Variants in PLCE1 observed in about 807,000 individuals in gnomAD.
The protein encoded by PLCE1 is 1-phosphatidylinositol 4,5-bisphosphate phosphodiesterase epsilon-1.
A neutral mutation model predicts 242.8 loss-of-function variants in PLCE1; 119 were observed. That is an observed-to-expected ratio of 0.49 (90% CI 0.42 to 0.57). The LOEUF (loss-of-function observed/expected upper bound fraction) is 0.57, where lower values mean the gene tolerates loss of function less well. Among genes scored for constraint, PLCE1 ranks in the 20% least tolerant of loss-of-function variants. The pLI is 0.00. For synonymous variants in PLCE1, 945 were observed against 1,017.4 expected, an observed-to-expected ratio of 0.93 and a Z score of 1.35; for missense variants, 2,441 against 2,788.8, an observed-to-expected ratio of 0.88 and a Z score of 2.81.
In PLCE1 at chr10:94,227,306, G is replaced by A. The variant is rs778281055; in HGVS notation, c.1810G>A (p.Val604Met). Reference protein sequence around the residue: ...LEDLVMRFNEVSSWVTWLILT... With the variant: ...LEDLVMRFNEMSSWVTWLILT... ...GTGAATGTCTCTGTGTGTTTTCCAGGTGAGCTCCTGGGTGACATGGCTGAT... is the reference window on the plus strand; with the variant it reads ...GTGAATGTCTCTGTGTGTTTTCCAGATGAGCTCCTGGGTGACATGGCTGAT... The change falls in exon 5 of 33, where the codon GTG becomes ATG. Residue 604 changes from valine to methionine, a missense_variant and splice_region_variant. This residue lies in a region of PLCE1 where 733 missense variants were observed against 754.2 expected (regional missense o/e 0.97). Coordinates refer to ENST00000371380, the MANE Select transcript of PLCE1 (RefSeq NM_016341.4). 12 of 1,613,966 alleles carry A rather than the reference G, an allele frequency of 7.4e-6. No individual in the cohort carries two copies. Among genetic ancestry groups the A allele is most frequent in the Non-Finnish European group, 1.0e-5 (12 of 1,179,950 alleles).
At chr10:94,003,186 GATAAT>G (rs1246585469) in intron 1 of PLCE1, among the ~76,000 whole-genome samples, 1 of 152,176 alleles carries the variant, frequency 6.6e-6, no homozygotes, top group East Asian at 1.9e-4. Context: ...ACTGAGTGAA[GATAAT>G]AGACTGTTTT....
chr10:94,224,299 T>A (rs2049866299), intron 4 of PLCE1, among the ~76,000 whole-genome samples: 1 of 152,190 alleles, frequency 6.6e-6, no homozygotes. Context: ...ATTTGACTGA[T>A]AGGAAATAAA....
chr10:94,322,430 C>T (rs925666098), intron 30 of PLCE1, among the ~76,000 whole-genome samples: 1 of 151,836 alleles, frequency 6.6e-6, no homozygotes, highest in Non-Finnish European at 1.5e-5. Context: ...GGGGGCAGAT[C>T]ACTTGAGCTC....
At chr10:94,314,687 G>A (rs1385858999) in intron 28 of PLCE1, among the ~76,000 whole-genome samples, 1 of 152,090 alleles carries the variant, frequency 6.6e-6, no homozygotes. Flanking sequence ...CTGAAGTTAG[G>A]GTGTATGATG....
rs575799854 is a variant in PLCE1 at position 94,258,464 on chromosome 10, CTTTT to C, written c.3555-334_3555-331del. ...GATTAAGAGTGAGTAATTTGGGGCT[CTTTT>C]TAATAGACATCTTCAGAAACACTGA... On this transcript the variant is annotated intron_variant, in intron 11 of 32. Transcript: ENST00000371380. 2.5e-3 allele frequency among the ~76,000 whole-genome samples: 382 copies of C among 152,218 alleles called. 1 individual carries two copies. The highest frequency in any genetic ancestry group is 4.2e-3 in the Non-Finnish European group (288 of 68,006).
intron 2 of PLCE1, among the ~76,000 whole-genome samples, chr10:94,118,761 A>G (rs1443037534): frequency 3.3e-5 from 5 of 152,178 alleles, no homozygotes; most frequent in Non-Finnish European, 5.9e-5. Flanking sequence ...AGCACCGTGA[A>G]AACGGACTAA....
chr10:94,226,448 G>A (rs1392292273), intron 4 of PLCE1, among the ~76,000 whole-genome samples: 1 of 152,100 alleles, frequency 6.6e-6, no homozygotes, highest in Non-Finnish European at 1.5e-5. Context: ...TGTTGTGAGA[G>A]ATAAATGAGG....
intron 4 of PLCE1, among the ~76,000 whole-genome samples, chr10:94,210,138 G>T (rs922941494): frequency 2.0e-4 from 30 of 149,864 alleles, no homozygotes; most frequent in Non-Finnish European, 3.4e-4. Context: ...TTTGTTGTTT[G>T]TTTGTTATTG....
chr10:94,324,783 C>G (rs2053948611), intron 31 of PLCE1, 109 bp from the exon 32 acceptor site: 1 of 1,174,514 alleles, frequency 8.5e-7, no homozygotes, highest in African/African-American at 1.5e-5. Flanking sequence ...CAGCCCTACT[C>G]TCTCCAAAGC....
At chr10:94,008,173 CAG>C (rs2061084287) in intron 1 of PLCE1, among the ~76,000 whole-genome samples, 1 of 105,514 alleles carries the variant, frequency 9.5e-6, no homozygotes, top group Non-Finnish European at 1.7e-5. Context: ...GCCTGGACAA[CAG>C]AGTGAGACCT....
intron 2 of PLCE1, among the ~76,000 whole-genome samples, chr10:94,055,267 T>C (rs1352835839): frequency 6.6e-6 from 1 of 151,444 alleles, no homozygotes; most frequent in African/African-American, 2.4e-5. Context: ...ATTAGTCAAA[T>C]GCACAGAACA....
At chr10:94,294,767 G>T (rs535793459) in intron 23 of PLCE1, among the ~76,000 whole-genome samples, 1 of 152,234 alleles carries the variant, frequency 6.6e-6, no homozygotes, top group East Asian at 1.9e-4. Flanking sequence ...CATCAGGGGG[G>T]TGGTTGCTGA....
At chr10:94,206,409 GC>G (rs2049157934) in intron 4 of PLCE1, among the ~76,000 whole-genome samples, 1 of 152,170 alleles carries the variant, frequency 6.6e-6, no homozygotes, top group Non-Finnish European at 1.5e-5. Context: ...CATTGTAAGT[GC>G]TTTCAATTTT....
chr10:94,258,764 G>T (rs1310561113), intron 11 of PLCE1, 36 bp from the exon 12 acceptor site: 1 of 1,613,928 alleles, frequency 6.2e-7, no homozygotes, highest in South Asian at 1.1e-5. Flanking sequence ...ACAGTGGCCT[G>T]CCCTTGTGCC....
chr10:94,289,919 A>G (rs1194956318), intron 22 of PLCE1, among the ~76,000 whole-genome samples: 2 of 152,062 alleles, frequency 1.3e-5, no homozygotes, highest in South Asian at 2.1e-4. Context: ...GTAACTTTAT[A>G]TTTTATAAAT....
chr10:94,028,307 G>T (rs745945557), intron 1 of PLCE1, among the ~76,000 whole-genome samples: 5 of 152,158 alleles, frequency 3.3e-5, no homozygotes, highest in Non-Finnish European at 5.9e-5. Flanking sequence ...ACTATAGCTG[G>T]AGGATCCGCT....
intron 4 of PLCE1, among the ~76,000 whole-genome samples, chr10:94,218,351 C>A (rs2049601244): frequency 6.6e-6 from 1 of 151,980 alleles, no homozygotes; most frequent in Admixed American, 6.6e-5. Flanking sequence ...TTAGGTAAAG[C>A]CCAGATAGGT....
intron 3 of PLCE1, among the ~76,000 whole-genome samples, chr10:94,170,923 A>G (rs1167578948): frequency 6.6e-6 from 1 of 152,184 alleles, no homozygotes; most frequent in Non-Finnish European, 1.5e-5. Flanking sequence ...GTGCTAGATT[A>G]ATGCTGCTGC....
At chr10:94,244,556 C>G (rs1486725562) in intron 7 of PLCE1, among the ~76,000 whole-genome samples, 1 of 152,184 alleles carries the variant, frequency 6.6e-6, no homozygotes, top group Non-Finnish European at 1.5e-5. Context: ...AGGGAACGTG[C>G]TAAATTTTCT....
Sources: gnomAD v4.1 joint callset for allele counts (sites outside exome capture counted in the v4.1 genomes callset) on GRCh38, gnomAD v4.1.1 for gene constraint, gnomAD v4.1.1 regional missense constraint, MANE v1.5 for transcripts, NCBI Gene and HGNC (gene_info 2026-07-23, HGNC 2026-07-21) for gene names.